Variants in DPYSL2 observed in about 807,000 individuals in gnomAD.
DPYSL2 encodes dihydropyrimidinase like 2.
In DPYSL2, 13 loss-of-function variants were observed where a neutral mutation model predicts 69.9. The ratio of observed to expected loss-of-function variants is 0.19; its 90% confidence interval spans 0.12 to 0.30. The LOEUF is 0.30. Ranked by LOEUF, DPYSL2 falls within the 10% of genes least tolerant of loss-of-function variation. The pLI, the probability that DPYSL2 is intolerant of heterozygous loss-of-function variation, is 1.00. For missense variants in DPYSL2, 587 were observed against 918.9 expected, an observed-to-expected ratio of 0.64 and a Z score of 4.67; for synonymous variants, 326 against 359.1, an observed-to-expected ratio of 0.91 and a Z score of 1.04.
chr8:26,649,080 A>C (rs1401755838), intron 11 of DPYSL2, among the ~76,000 whole-genome samples: 1 of 152,194 alleles, frequency 6.6e-6, no homozygotes, highest in Non-Finnish European at 1.5e-5. Flanking sequence ...CTGTAACTTC[A>C]CATTCTCATT....
At chr8:26,547,465 C>T (rs564061166) in intron 1 of DPYSL2, among the ~76,000 whole-genome samples, 4 of 152,014 alleles carry the variant, frequency 2.6e-5, no homozygotes, top group South Asian at 2.1e-4. Flanking sequence ...AAAAATTACA[C>T]GGCAAATTGA....
chr8:26,657,133 A>G lies in DPYSL2; in HGVS notation c.*1427A>G, dbSNP rs959500329. ...AGAGGCCCTATAAACTCAAAAAGTCATTGGGAAACTTAAAGTCTATTCTAC... is the reference window on the plus strand; with the variant it reads ...AGAGGCCCTATAAACTCAAAAAGTCGTTGGGAAACTTAAAGTCTATTCTAC... On this transcript the variant is annotated 3_prime_UTR_variant, in exon 14 of 14. Transcript: ENST00000521913. 3.9e-5 allele frequency: 6 copies of G among 152,348 alleles called. No individual in the cohort carries two copies. The highest frequency in any genetic ancestry group is 1.4e-4 in the African/African-American group (6 of 41,460). 9.4% of individuals were successfully genotyped at this position (152,348 alleles called of 1,614,324 possible). A position where few individuals can be genotyped will look rare whatever the true frequency, so the allele number is the denominator to read the frequency against.
Position 26,605,916 on chromosome 8 carries a change from T to C in DPYSL2, c.629-18227T>C, listed in dbSNP as rs1789298505. 6.6e-6 allele frequency among the ~76,000 whole-genome samples: 1 copy of C among 152,188 alleles called. No individual in the cohort carries two copies. The highest frequency in any genetic ancestry group is 2.4e-5 in the African/African-American group (1 of 41,444). ...TGAAAACCTCAAAAGGTGGTTGAGT[T>C]TTTGTTTTGTTTTCCATTTGACCAA... is the stretch of plus-strand genomic sequence containing the variant. On this transcript the variant is annotated intron_variant, in intron 3 of 13. Coordinates refer to ENST00000521913, the MANE Select transcript of DPYSL2 (RefSeq NM_001197293.3). The surrounding 1 kb of genome is among the most constrained non-coding windows in gnomAD (Gnocchi z 4.1).
At chr8:26,592,782 A>G (rs1272915456) in intron 3 of DPYSL2, among the ~76,000 whole-genome samples, 1 of 152,092 alleles carries the variant, frequency 6.6e-6, no homozygotes, top group South Asian at 2.1e-4. Flanking sequence ...CGGCCGGTAC[A>G]TTAGTTTTAA....
At position 26,648,236 on chromosome 8, in the gene DPYSL2, T is replaced by C. The variant is rs1803212821; in HGVS notation, c.1596+436T>C. ...TTAAGCCATTGTTTTCTCAGGCCAG[T>C]ATCCATGCAGAAAACTGGATGACAG... On this transcript the variant is annotated intron_variant, in intron 11 of 13. Transcript: ENST00000521913. This position sits in a 1 kb window ranked among gnomAD's most constrained non-coding sequence, Gnocchi z 4.3. Among the ~76,000 whole-genome samples, 1 of 152,176 alleles carries C rather than the reference T, an allele frequency of 6.6e-6. No homozygotes were observed. The highest frequency in any genetic ancestry group is 1.5e-5 in the Non-Finnish European group (1 of 68,042).
At chr8:26,563,318 C>G (rs186075571) in intron 1 of DPYSL2, among the ~76,000 whole-genome samples, 2 of 152,180 alleles carry the variant, frequency 1.3e-5, no homozygotes, top group African/African-American at 4.8e-5. Flanking sequence ...TACATAAACT[C>G]TCTTCTCCCA....
At chr8:26,612,609 T>G (rs895253228) in intron 3 of DPYSL2, among the ~76,000 whole-genome samples, 1 of 152,240 alleles carries the variant, frequency 6.6e-6, no homozygotes, top group East Asian at 1.9e-4. Flanking sequence ...CCCAGCACTT[T>G]GGGAGGCCGA....
chr8:26,545,169 AC>A (rs1402249074), intron 1 of DPYSL2, among the ~76,000 whole-genome samples: 1 of 152,180 alleles, frequency 6.6e-6, no homozygotes, highest in African/African-American at 2.4e-5. Context: ...GGACCTAACC[AC>A]CATATGCAGA....
chr8:26,569,804 G>C (rs1479604423), intron 1 of DPYSL2, among the ~76,000 whole-genome samples: 1 of 152,158 alleles, frequency 6.6e-6, no homozygotes. Context: ...TGGGAGAAGA[G>C]AGAACAGCAG....
Position 26,654,985 on chromosome 8 carries a change from G to A in DPYSL2, c.1943-630G>A, listed in dbSNP as rs1326419884. On this transcript the variant is annotated intron_variant, in intron 13 of 13. Transcript: ENST00000521913. This position sits in a 1 kb window ranked among gnomAD's most constrained non-coding sequence, Gnocchi z 5.0. ...GCCTCCCCAGTAGCTGGTACTACAG[G>A]CTTGCACCATCACGCCTGGCTAATT... is the stretch of plus-strand genomic sequence containing the variant. Among the ~76,000 whole-genome samples, 2 of 151,972 alleles carry A rather than the reference G, an allele frequency of 1.3e-5. No individual in the cohort carries two copies. Among genetic ancestry groups the A allele is most frequent in the Admixed American group, 1.3e-4 (2 of 15,270 alleles).
At chr8:26,583,458 A>T (rs1801532626) in intron 2 of DPYSL2, among the ~76,000 whole-genome samples, 1 of 152,090 alleles carries the variant, frequency 6.6e-6, no homozygotes, top group Non-Finnish European at 1.5e-5. Context: ...TTGCTATAGG[A>T]TAATTAGCTC....
intron 1 of DPYSL2, among the ~76,000 whole-genome samples, chr8:26,569,882 T>C (rs1801210809): frequency 6.6e-6 from 1 of 151,858 alleles, no homozygotes; most frequent in Admixed American, 6.6e-5. Flanking sequence ...CTTGGGGACG[T>C]AACACAGGAT....
At chr8:26,576,991 C>CA in intron 1 of DPYSL2, 1 of 307,986 alleles carries the variant, frequency 3.2e-6, no homozygotes, top group South Asian at 2.2e-5. Context: ...CAGATCGCGC[C>CA]ACATCGGCCT....
At chr8:26,646,204 GTTTT>G (rs35346128) in intron 10 of DPYSL2, among the ~76,000 whole-genome samples, 2 of 148,228 alleles carry the variant, frequency 1.3e-5, no homozygotes, top group Non-Finnish European at 3.0e-5. Flanking sequence ...GTTGTTTCTG[GTTTT>G]TTTTTTTTTT....
chr8:26,624,739 A>T lies in DPYSL2; in HGVS notation c.793+432A>T, dbSNP rs1802578463. Among the ~76,000 whole-genome samples, 3 of 152,158 alleles carry T rather than the reference A, an allele frequency of 2.0e-5. No homozygotes were observed. The highest frequency in any genetic ancestry group is 1.3e-4 in the Admixed American group (2 of 15,280). ...TCCTACAAACCTGGATGGATCTAGGATAGATTTGAGGGCTATGAGACACTT... is the reference window on the plus strand; with the variant it reads ...TCCTACAAACCTGGATGGATCTAGGTTAGATTTGAGGGCTATGAGACACTT... On this transcript the variant is annotated intron_variant, in intron 4 of 13. Transcript: ENST00000521913. The surrounding 1 kb of genome is among the most constrained non-coding windows in gnomAD (Gnocchi z 4.7).
chr8:26,514,889 G>T lies in DPYSL2; in HGVS notation c.354+210G>T, dbSNP rs1361089750. On this transcript the variant is annotated intron_variant, in intron 1 of 13. Transcript: ENST00000521913. The surrounding 1 kb of genome is among the most constrained non-coding windows in gnomAD (Gnocchi z 8.4). ...GGGCGGCCGTGCGCCCACAAAGGCT[G>T]CCCGCGTCTCCTTGAGCTTGAGAGG... Among the ~76,000 whole-genome samples, 1 of 152,180 alleles carries T rather than the reference G, an allele frequency of 6.6e-6. No homozygotes were observed. Among genetic ancestry groups the T allele is most frequent in the Non-Finnish European group, 1.5e-5 (1 of 68,010 alleles).
chr8:26,544,490 G>A (rs1484167568), intron 1 of DPYSL2, among the ~76,000 whole-genome samples: 1 of 152,194 alleles, frequency 6.6e-6, no homozygotes, highest in Non-Finnish European at 1.5e-5. Flanking sequence ...CACCTGGACA[G>A]ACTAGATGTT....
chr8:26,612,550 C>G (rs990239698), intron 3 of DPYSL2, among the ~76,000 whole-genome samples: 1 of 152,104 alleles, frequency 6.6e-6, no homozygotes, highest in Non-Finnish European at 1.5e-5. Flanking sequence ...AAAAAAACTC[C>G]ATGATTAAAA....
At chr8:26,630,206 C>T (rs1316426888) in intron 7 of DPYSL2, among the ~76,000 whole-genome samples, 2 of 152,228 alleles carry the variant, frequency 1.3e-5, no homozygotes, top group African/African-American at 4.8e-5. Flanking sequence ...AGGCACCATC[C>T]CCCTTTGCAG....
Sources: allele counts gnomAD v4.1 joint callset (sites outside exome capture counted in the v4.1 genomes callset), GRCh38; gene constraint gnomAD v4.1.1; non-coding constraint Gnocchi (gnomAD v3.1); transcripts MANE v1.5; gene names NCBI Gene and HGNC (gene_info 2026-07-23, HGNC 2026-07-21).